CACNA2D4: variants seen among roughly 807,000 people sequenced by gnomAD.
CACNA2D4 encodes the protein calcium voltage-gated channel auxiliary subunit alpha2delta 4.
CACNA2D4 carries 157 observed loss-of-function variants against 163.8 expected under a neutral mutation model. That is an observed-to-expected ratio of 0.96 (90% CI 0.84 to 1.09). CACNA2D4 has a LOEUF of 1.09. CACNA2D4 is among the 50% of genes least tolerant of loss of function. The pLI is 0.00. For synonymous variants in CACNA2D4, 598 were observed against 586.9 expected, an observed-to-expected ratio of 1.02 and a Z score of -0.27; for missense variants, 1,410 against 1,479.9, an observed-to-expected ratio of 0.95 and a Z score of 0.78.
At chr12:1,809,032 G>GGCT (rs1863628135) in intron 29 of CACNA2D4, among the ~76,000 whole-genome samples, 1 of 152,154 alleles carries the variant, frequency 6.6e-6, no homozygotes, top group African/African-American at 2.4e-5. Flanking sequence ...AACCATCTTT[G>GGCT]GCTTCTCTAC....
At chr12:1,815,617 T>C (rs778555954) in intron 26 of CACNA2D4, among the ~76,000 whole-genome samples, 9 of 151,636 alleles carry the variant, frequency 5.9e-5, no homozygotes, top group Non-Finnish European at 4.4e-5. Context: ...CCTATCACAG[T>C]GTGACTCCAT....
intron 26 of CACNA2D4, chr12:1,830,848 T>C: frequency 9.0e-7 from 1 of 1,111,586 alleles, no homozygotes; most frequent in South Asian, 1.6e-5. Flanking sequence ...GCCAAGAGCC[T>C]GTTATGAGCT....
At position 1,843,046 on chromosome 12, in the gene CACNA2D4, T is replaced by C. The variant is rs1865063798; in HGVS notation, c.2470+1356A>G. Reference sequence around the variant, plus strand: ...ACCTCTCTGAGCCTCACGTTCTCCTTGTGTAAGTTGAGGGATAATGACGGC... The same window carrying C: ...ACCTCTCTGAGCCTCACGTTCTCCTCGTGTAAGTTGAGGGATAATGACGGC... On this transcript the variant is annotated intron_variant, in intron 25 of 37. Transcript: ENST00000382722. This position sits in a 1 kb window ranked among gnomAD's most constrained non-coding sequence, Gnocchi z 4.6. Among the ~76,000 whole-genome samples the C allele has an allele frequency of 6.6e-6, 1 of 152,136 alleles. No homozygotes were observed. The highest frequency in any genetic ancestry group is 2.4e-5 in the African/African-American group (1 of 41,434).
intron 31 of CACNA2D4, chr12:1,800,728 C>T: frequency 1.7e-6 from 1 of 592,194 alleles, no homozygotes. Flanking sequence ...TGCTGCACTG[C>T]TGAGGATCCC....
Position 1,797,920 on chromosome 12 carries a change from G to T in CACNA2D4, c.2996-385C>A, listed in dbSNP as rs1416868769. 2.0e-5 allele frequency among the ~76,000 whole-genome samples: 3 copies of T among 152,134 alleles called. No individual in the cohort carries two copies. The East Asian group carries it at 5.8e-4, about 29-fold the overall frequency. On this transcript the variant is annotated intron_variant, in intron 34 of 37. Transcript: ENST00000382722. ...AGGGGCACCAAGGGGTGGCTTGGGG[G>T]TACTTAGGCCCACCACCCCTCCCTT... is the stretch of plus-strand genomic sequence containing the variant.
rs1322239477 is a variant in CACNA2D4 at position 1,878,958 on chromosome 12, T to C, written c.1642A>G (p.Lys548Glu). 12 of 1,613,444 alleles carry C rather than the reference T, an allele frequency of 7.4e-6. No homozygotes were observed. The highest frequency in any genetic ancestry group is 9.3e-6 in the Non-Finnish European group (11 of 1,179,476). ...ACAGGGAACAGACCCAGGCTCACCT[T>C]GTACCGGGGCGCCAGCTTCATCAGC... ...RELMKLAPRY[K>E]LGVHGYAFLN... The change falls in exon 15 of 38, where the codon AAG becomes GAG. Residue 548 changes from lysine (K) to glutamate (E), a missense_variant and splice_region_variant. Physicochemically the swap from Lys to Glu is moderately conservative, Grantham distance 56 (BLOSUM62 1). Coordinates refer to ENST00000382722, the MANE Select transcript of CACNA2D4 (RefSeq NM_172364.5). This position sits in a 1 kb window ranked among gnomAD's most constrained non-coding sequence, Gnocchi z 4.6.
intron 26 of CACNA2D4, among the ~76,000 whole-genome samples, chr12:1,826,549 C>A (rs920178410): frequency 3.3e-5 from 5 of 152,236 alleles, no homozygotes; most frequent in African/African-American, 4.8e-5. Flanking sequence ...TGCATGGGCA[C>A]CTGGGCTGCC....
chr12:1,859,938 GT>G (rs1220549808), intron 19 of CACNA2D4, among the ~76,000 whole-genome samples: 2 of 152,232 alleles, frequency 1.3e-5, no homozygotes, highest in Non-Finnish European at 2.9e-5. Flanking sequence ...TACACAGCCT[GT>G]AAATGGTAGA....
intron 26 of CACNA2D4, among the ~76,000 whole-genome samples, chr12:1,818,788 A>T (rs1234785790): frequency 1.1e-3 from 130 of 114,620 alleles, no homozygotes; most frequent in African/African-American, 2.8e-3. Flanking sequence ...TAAATAAATT[A>T]AAAAAAAAAA....
At chr12:1,905,894 A>G (rs1484303163) in intron 6 of CACNA2D4, among the ~76,000 whole-genome samples, 1 of 152,176 alleles carries the variant, frequency 6.6e-6, no homozygotes, top group Non-Finnish European at 1.5e-5. Flanking sequence ...GGGGGGAAAG[A>G]AAAACTGATG....
intron 26 of CACNA2D4, chr12:1,827,986 T>C (rs1864423859): frequency 1.0e-5 from 5 of 500,424 alleles, no homozygotes; most frequent in Admixed American, 7.7e-5. Flanking sequence ...GCATGAGGAG[T>C]GTAAAGAGAC....
At chr12:1,830,918 C>T in intron 26 of CACNA2D4, 1 of 1,579,194 alleles carries the variant, frequency 6.3e-7, no homozygotes, top group Non-Finnish European at 8.6e-7. Context: ...TTTCCCCCGT[C>T]TGTCCCTCCC....
Position 1,846,566 on chromosome 12 carries a change from C to T in CACNA2D4, c.2342+28G>A, listed in dbSNP as rs773561853. The T allele has an allele frequency of 1.9e-6, 3 of 1,544,000 alleles. No individual in the cohort carries two copies. In the Admixed American group the frequency reaches 5.6e-5, roughly 29 times the overall value. On this transcript the variant is annotated intron_variant, in intron 24 of 37. Coordinates refer to ENST00000382722, the MANE Select transcript of CACNA2D4 (RefSeq NM_172364.5). The stretch of plus-strand genomic sequence containing the variant: ...GGCCCTCTCTGCCCTGCAGGGATTG[C>T]CCTCCCGAGGTGGCCGGCCCAACCC...
At chr12:1,800,355 C>T (rs1335434791) in intron 32 of CACNA2D4, 31 bp downstream of exon 32, 1 of 1,612,242 alleles carries the variant, frequency 6.2e-7, no homozygotes, top group African/African-American at 1.3e-5. Flanking sequence ...GCATGCAGCC[C>T]TCCACCAGCC....
rs893757017 is a variant in CACNA2D4, at chr12:1,907,895, G to A, written c.629C>T (p.Pro210Leu). 9.3e-6 allele frequency: 15 copies of A among 1,613,920 alleles called. No homozygotes were observed. The highest frequency in any genetic ancestry group is 1.3e-5 in the Non-Finnish European group (15 of 1,179,892). The change falls in exon 5 of 38, where the codon CCC becomes CTC. Residue 210 changes from proline to leucine, a missense_variant. Physicochemically the swap from Pro to Leu is moderately conservative, Grantham distance 98. Coordinates refer to ENST00000382722, the MANE Select transcript of CACNA2D4 (RefSeq NM_172364.5). ...GCTACCTTTGTTGTACACGTTGGTG[G>A]GCAGCTGCACGCTGCTGATGGAGGT... ...VNTSISSVQL[P>L]TNVYNKDPDI...
At chr12:1,899,192 T>C (rs1028116147) in intron 6 of CACNA2D4, among the ~76,000 whole-genome samples, 1 of 152,102 alleles carries the variant, frequency 6.6e-6, no homozygotes, top group Non-Finnish European at 1.5e-5. Context: ...AGTGGCATAG[T>C]GTAGACTTAA....
intron 26 of CACNA2D4, chr12:1,831,155 G>A (rs758682455): frequency 2.5e-6 from 4 of 1,613,994 alleles, no homozygotes; most frequent in South Asian, 2.2e-5. Flanking sequence ...GCCTGCAGCG[G>A]TTGGACCTGT....
At position 1,833,719 on chromosome 12, in the gene CACNA2D4, T is replaced by G. The variant is rs1266440778; in HGVS notation, c.2551+7020A>C. ...CCCATTCTTAGGCAACCAAAAGGTC[T>G]TGCGTGGAGGGGCAGCGGCAGGGGC... is the stretch of plus-strand genomic sequence containing the variant. On this transcript the variant is annotated intron_variant, in intron 26 of 37. Transcript: ENST00000382722. The surrounding 1 kb of genome is among the most constrained non-coding windows in gnomAD (Gnocchi z 4.2). Among the ~76,000 whole-genome samples the G allele has an allele frequency of 6.6e-6, 1 of 152,222 alleles. No individual in the cohort carries two copies. Among genetic ancestry groups the G allele is most frequent in the Non-Finnish European group, 1.5e-5 (1 of 68,028 alleles).
chr12:1,897,903 G>C (rs1021348046), intron 6 of CACNA2D4, among the ~76,000 whole-genome samples: 18 of 152,110 alleles, frequency 1.2e-4, no homozygotes, highest in African/African-American at 3.9e-4. Context: ...CCAACAATGA[G>C]AGCACACATA....
Sources: allele counts gnomAD v4.1 joint callset (sites outside exome capture counted in the v4.1 genomes callset), GRCh38; gene constraint gnomAD v4.1.1; non-coding constraint Gnocchi (gnomAD v3.1); transcripts MANE v1.5; gene names NCBI Gene and HGNC (gene_info 2026-07-23, HGNC 2026-07-21).